SCP2: variants seen among roughly 807,000 people sequenced by gnomAD.
The protein encoded by SCP2 is SCP-2/3-oxoacyl-CoA thiolase.
A neutral mutation model predicts 71.4 loss-of-function variants in SCP2; 48 were observed. The ratio of observed to expected loss-of-function variants is 0.67; its 90% confidence interval spans 0.53 to 0.86. The LOEUF (loss-of-function observed/expected upper bound fraction) is 0.86, where lower values mean the gene tolerates loss of function less well. Among genes scored for constraint, SCP2 ranks in the 40% least tolerant of loss-of-function variants. The pLI is 0.00. For synonymous variants in SCP2, 220 were observed against 218.1 expected (o/e 1.01, Z -0.08); for missense variants, 560 against 655.6 (o/e 0.85, Z 1.59).
rs192880951 is a variant in SCP2 at position 52,952,049 on chromosome 1, G to T, written c.331+1163G>T. Among the ~76,000 whole-genome samples, 172 of 152,184 alleles carry T rather than the reference G, an allele frequency of 1.1e-3. 4 individuals carry two copies. The highest frequency in any genetic ancestry group is 1.8e-3 in the Non-Finnish European group (121 of 67,992). The stretch of plus-strand genomic sequence containing the variant: ...CTTACCTTGGCTTCACAAAGTGCTG[G>T]TGTGAGCCACCACACCTGGTCATAT... On this transcript the variant is annotated intron_variant, in intron 4 of 15. Coordinates refer to ENST00000371514, the MANE Select transcript of SCP2 (RefSeq NM_002979.5).
At chr1:52,994,696 C>T (rs1042958221) in intron 11 of SCP2, 11 of 679,818 alleles carry the variant, frequency 1.6e-5, no homozygotes, top group African/African-American at 3.8e-5. Flanking sequence ...TACCTTGAGG[C>T]GAGCAAAAAA....
Position 52,961,610 on chromosome 1 carries a change from A to G in SCP2, c.504A>G (p.Lys168=), listed in dbSNP as rs2150143537. ...CTCAGATGTTTGGGTATGCTGGAAA[A>G]GAACATATGGAAAAATATGGTATGT... ...VAPQMFGYAG[K]EHMEKYGTKI... The change falls in exon 6 of 16, where the codon AAA becomes AAG. Residue 168 remains lysine (K), a synonymous_variant. Transcript: ENST00000371514. The G allele has an allele frequency of 6.2e-7, 1 of 1,613,916 alleles. No individual in the cohort carries two copies. Among genetic ancestry groups the G allele is most frequent in the South Asian group, 1.1e-5 (1 of 91,078 alleles).
intron 8 of SCP2, among the ~76,000 whole-genome samples, chr1:52,977,330 T>A (rs538493055): frequency 2.0e-5 from 3 of 152,306 alleles, no homozygotes; most frequent in Admixed American, 6.5e-5. Context: ...TCAGCTTTTA[T>A]TTGTTGTGAT....
intron 12 of SCP2, 78 bp from the exon 13 acceptor site, chr1:53,027,891 G>A (rs1018773849): frequency 1.2e-6 from 1 of 806,732 alleles, no homozygotes; most frequent in Non-Finnish European, 2.1e-6. Context: ...TGAAAATTTT[G>A]AAAATTACTA....
chr1:53,034,645 C>A (rs1015186587), intron 13 of SCP2, among the ~76,000 whole-genome samples: 1 of 151,962 alleles, frequency 6.6e-6, no homozygotes, highest in Admixed American at 6.6e-5. Flanking sequence ...CAAAACACAA[C>A]AAAAAGAAAT....
At position 52,988,032 on chromosome 1, in the gene SCP2, A is replaced by G; in HGVS notation, c.977A>G (p.Gln326Arg). 6.6e-7 allele frequency: 1 copy of G among 1,515,314 alleles called. No homozygotes were observed. The highest frequency in any genetic ancestry group is 9.2e-7 in the Non-Finnish European group (1 of 1,092,158). 93.9% of individuals were successfully genotyped at this position (1,515,314 alleles called of 1,614,324 possible). A position where few individuals can be genotyped will look rare whatever the true frequency, so the allele number is the denominator to read the frequency against. ...AATACTATTTTTTCTTCTATAGGAC[A>G]AGGTGCAACGCTGGTTGATAGAGGA... ...YEALGLCPEG[Q>R]GATLVDRGDN... is the part of the protein sequence containing the mutation. The change falls in exon 11 of 16, where the codon CAA (glutamine) becomes CGA (arginine). Residue 326 changes from glutamine (Q) to arginine (R), a missense_variant. Physicochemically the swap from Gln to Arg is conservative, Grantham distance 43. Coordinates refer to ENST00000371514, the MANE Select transcript of SCP2 (RefSeq NM_002979.5).
intron 12 of SCP2, among the ~76,000 whole-genome samples, chr1:53,025,997 C>T (rs963606419): frequency 1.3e-5 from 2 of 152,172 alleles, no homozygotes; most frequent in Non-Finnish European, 2.9e-5. Context: ...TCCTTTCTCC[C>T]TCAGGATCTT....
At chr1:52,935,545 G>A (rs1653647498) in intron 1 of SCP2, among the ~76,000 whole-genome samples, 1 of 148,462 alleles carries the variant, frequency 6.7e-6, no homozygotes, top group South Asian at 2.1e-4. Flanking sequence ...AGCTGAGATT[G>A]TGCCACTGCA....
At position 52,948,047 on chromosome 1, in the gene SCP2, G is replaced by T. The variant is rs761624003; in HGVS notation, c.166G>T (p.Ala56Ser). ...AGCTGATGCACAGATCCCTTATTCA[G>T]CAGTGGACCAGGCATGTGTTGGCTA... ...ALADAQIPYS[A>S]VDQACVGYVF... Residue 56 changes from alanine to serine, a missense_variant, in exon 3 of 16, where the codon GCA (alanine) becomes TCA (serine). Ala to Ser is a moderately conservative substitution (Grantham distance 99, BLOSUM62 1). Around this residue, in one of 3 missense-constraint regions of SCP2, gnomAD observed 513 missense variants for 573.1 expected, o/e 0.90. Transcript: ENST00000371514. 1 of 1,613,252 alleles carries T rather than the reference G, an allele frequency of 6.2e-7. No individual in the cohort carries two copies. The highest frequency in any genetic ancestry group is 8.5e-7 in the Non-Finnish European group (1 of 1,179,306).
intron 8 of SCP2, among the ~76,000 whole-genome samples, chr1:52,977,370 C>G (rs1658070925): frequency 6.6e-6 from 1 of 152,192 alleles, no homozygotes; most frequent in Non-Finnish European, 1.5e-5. Flanking sequence ...GAAAGTCTAA[C>G]TGAACTCCCA....
In SCP2 at chr1:52,979,671, A is replaced by G. The variant is rs183465368; in HGVS notation, c.826-725A>G. On this transcript the variant is annotated intron_variant, in intron 9 of 15. Transcript: ENST00000371514. ...CTGACTCATAATGATCTGGTAATAA[A>G]TGTCTTCAACTTGTTTATCACAACT... Among the ~76,000 whole-genome samples, 100 of 152,274 alleles carry G rather than the reference A, an allele frequency of 6.6e-4. No individual in the cohort carries two copies. The East Asian group carries it at 0.018, about 27-fold the overall frequency.
At chr1:53,010,071 C>G (rs2150222078) in intron 11 of SCP2, among the ~76,000 whole-genome samples, 1 of 152,274 alleles carries the variant, frequency 6.6e-6, no homozygotes, top group East Asian at 1.9e-4. Context: ...ATCAAAACCA[C>G]AATGAGATAC....
chr1:52,944,597 T>G (rs1014441981), intron 2 of SCP2, among the ~76,000 whole-genome samples: 4 of 152,148 alleles, frequency 2.6e-5, no homozygotes, highest in African/African-American at 9.6e-5. Context: ...CTCTATATTT[T>G]TTGACCAATT....
rs138485561 is a variant in SCP2, at chr1:52,985,790, T to C, written c.974-2239T>C. ...TGTTTCAGGGCCTTTGTTCCAAACA[T>C]ACATGATTTGCTCTCTCACTCCCTT... is the stretch of plus-strand genomic sequence containing the variant. On this transcript the variant is annotated intron_variant, in intron 10 of 15. Coordinates refer to ENST00000371514, the MANE Select transcript of SCP2 (RefSeq NM_002979.5). Among the ~76,000 whole-genome samples, 952 of 152,254 alleles carry C rather than the reference T, an allele frequency of 6.3e-3. 15 individuals are homozygous for C. Among genetic ancestry groups the C allele is most frequent in the African/African-American group, 0.022 (915 of 41,556 alleles).
chr1:52,960,568 A>ATGTATGTATATG (rs1656289715), intron 5 of SCP2, among the ~76,000 whole-genome samples: 1 of 145,926 alleles, frequency 6.9e-6, no homozygotes, highest in Non-Finnish European at 1.5e-5. Flanking sequence ...ATATGTATGT[A>ATGTATGTATATG]TATATATGTA....
intron 11 of SCP2, among the ~76,000 whole-genome samples, chr1:53,008,530 A>T (rs6658468): frequency 6.6e-6 from 1 of 152,310 alleles, no homozygotes; most frequent in African/African-American, 2.4e-5. Flanking sequence ...CACAAAAACC[A>T]CATGATTATC....
chr1:53,010,285 C>A (rs1276876620), intron 11 of SCP2, among the ~76,000 whole-genome samples: 2 of 152,240 alleles, frequency 1.3e-5, no homozygotes, highest in South Asian at 2.1e-4. Flanking sequence ...TGGGTATATA[C>A]CCAAAGGATT....
intron 10 of SCP2, among the ~76,000 whole-genome samples, chr1:52,981,197 G>A (rs945135597): frequency 6.6e-6 from 1 of 152,194 alleles, no homozygotes; most frequent in Non-Finnish European, 1.5e-5. Context: ...TTCCTAAAGT[G>A]CTGGAATTAT....
At chr1:52,934,262 A>G (rs1653441668) in intron 1 of SCP2, among the ~76,000 whole-genome samples, 1 of 152,230 alleles carries the variant, frequency 6.6e-6, no homozygotes, top group Non-Finnish European at 1.5e-5. Flanking sequence ...CTTTCAAGTG[A>G]AAATTAGAAT....
Sources: gnomAD v4.1 joint callset for allele counts (sites outside exome capture counted in the v4.1 genomes callset) on GRCh38, gnomAD v4.1.1 for gene constraint, gnomAD v4.1.1 regional missense constraint, MANE v1.5 for transcripts, NCBI Gene and HGNC (gene_info 2026-07-23, HGNC 2026-07-21) for gene names.